The following CSMD1 variants were observed in gnomAD, a reference collection of about 807,000 sequenced individuals.
CSMD1 encodes the protein CUB and sushi domain-containing protein 1.
A neutral mutation model predicts 417.5 loss-of-function variants in CSMD1; 213 were observed. The ratio of observed to expected loss-of-function variants is 0.51; its 90% CI spans 0.46 to 0.57. The LOEUF (loss-of-function observed/expected upper bound fraction) is 0.57, where lower values mean the gene tolerates loss of function less well. Among genes scored for constraint, CSMD1 ranks in the 20% least tolerant of loss-of-function variants. The pLI is 0.00. For synonymous variants in CSMD1, 2,862 were observed against 1,736.8 expected (o/e 1.65, Z -16.11); for missense variants, 6,923 against 4,529.7 (o/e 1.53, Z -15.17).
intron 10 of CSMD1, among the ~76,000 whole-genome samples, chr8:3,556,632 G>T (rs1391030882): frequency 6.6e-6 from 1 of 151,554 alleles, no homozygotes; most frequent in Non-Finnish European, 1.5e-5. Flanking sequence ...ATTGTCGTGG[G>T]GGCTGCCTGT....
intron 2 of CSMD1, among the ~76,000 whole-genome samples, chr8:4,460,977 T>A (rs1236271814): frequency 6.6e-6 from 1 of 152,142 alleles, no homozygotes; most frequent in Non-Finnish European, 1.5e-5. Context: ...AACTACAGAC[T>A]AGTATTTCTT....
chr8:3,027,875 G>C (rs1460353512), intron 51 of CSMD1, among the ~76,000 whole-genome samples: 1 of 152,234 alleles, frequency 6.6e-6, no homozygotes, highest in Non-Finnish European at 1.5e-5. Context: ...TCAACGCCTT[G>C]CTACTAATGA....
intron 6 of CSMD1, among the ~76,000 whole-genome samples, chr8:3,749,960 C>G (rs908052047): frequency 6.6e-6 from 1 of 152,054 alleles, no homozygotes; most frequent in Non-Finnish European, 1.5e-5. Context: ...TTATGTTCAG[C>G]TTGATGGTAA....
At chr8:3,466,661 T>A (rs968345126) in intron 12 of CSMD1, among the ~76,000 whole-genome samples, 1 of 150,528 alleles carries the variant, frequency 6.6e-6, no homozygotes, top group Non-Finnish European at 1.5e-5. Flanking sequence ...ACTCCTGACC[T>A]TAAGTGATCC....
In CSMD1 at chr8:4,510,127, T is replaced by A. The variant is rs560769626; in HGVS notation, c.303-90062A>T. On this transcript the variant is annotated intron_variant, in intron 2 of 69. Transcript: ENST00000635120. ...ATCTGATGGTTGTATAAAGGGGAGT[T>A]CTCCTTCACACGCTCCCTTTGCCTG... is the stretch of plus-strand genomic sequence containing the variant. Among the ~76,000 whole-genome samples, 12 of 151,804 alleles carry A rather than the reference T, an allele frequency of 7.9e-5. No homozygotes were observed. The South Asian group carries it at 2.5e-3, about 32-fold the overall frequency.
rs577969194 is a variant in CSMD1, at chr8:4,729,092, A to C, written c.86-91534T>G. 7.3e-4 allele frequency among the ~76,000 whole-genome samples: 111 copies of C among 152,278 alleles called. 1 individual carries two copies. The highest frequency in any genetic ancestry group is 2.6e-3 in the African/African-American group (107 of 41,566). On this transcript the variant is annotated intron_variant, in intron 1 of 69. Coordinates refer to ENST00000635120, the MANE Select transcript of CSMD1 (RefSeq NM_033225.6). ...GGAAACACTTGGATGTTCAGCCCTA[A>C]ATTATTTCCATATCTGAAACCAGGA...
rs112370986 is a variant in CSMD1, at chr8:2,968,341, A to G, written c.8924-1595T>C. Among the ~76,000 whole-genome samples, 324 of 152,330 alleles carry G rather than the reference A, an allele frequency of 2.1e-3. 1 individual carries two copies. The highest frequency in any genetic ancestry group is 7.5e-3 in the African/African-American group (311 of 41,582). On this transcript the variant is annotated intron_variant, in intron 57 of 69. Coordinates refer to ENST00000635120, the MANE Select transcript of CSMD1 (RefSeq NM_033225.6). Reference sequence around the variant, plus strand: ...AAGAGGACACTGATGTTATTGTTACATTGTATTCTAATTACATTTGCTATT... The same window carrying G: ...AAGAGGACACTGATGTTATTGTTACGTTGTATTCTAATTACATTTGCTATT...
At chr8:4,104,822 T>C (rs1801486590) in intron 3 of CSMD1, among the ~76,000 whole-genome samples, 1 of 152,222 alleles carries the variant, frequency 6.6e-6, no homozygotes. Flanking sequence ...TCTTTAAATG[T>C]TTCCTTGAGA....
At chr8:4,607,297 A>T (rs7819650) in intron 2 of CSMD1, among the ~76,000 whole-genome samples, 27,993 of 151,944 alleles carry the variant, frequency 0.18, 3,237 homozygotes, top group African/African-American at 0.33. Flanking sequence ...AACAAAAAAA[A>T]ATGCATTTGA....
intron 2 of CSMD1, among the ~76,000 whole-genome samples, chr8:4,621,788 T>C (rs903892528): frequency 6.6e-6 from 1 of 152,094 alleles, no homozygotes; most frequent in African/African-American, 2.4e-5. Context: ...TGAACTACTG[T>C]AAGTCAAACC....
chr8:4,618,350 T>A (rs1468827258), intron 2 of CSMD1, among the ~76,000 whole-genome samples: 1 of 152,042 alleles, frequency 6.6e-6, no homozygotes, highest in Non-Finnish European at 1.5e-5. Flanking sequence ...ACGAACACAC[T>A]TTTGCAGGAT....
chr8:3,546,720 G>A (rs760665357), intron 10 of CSMD1, among the ~76,000 whole-genome samples: 10 of 152,158 alleles, frequency 6.6e-5, no homozygotes, highest in Non-Finnish European at 2.9e-5. Flanking sequence ...AGGAATTACT[G>A]AAGATAAAAG....
chr8:3,987,804 C>G (rs1246291375), intron 5 of CSMD1, among the ~76,000 whole-genome samples: 2 of 152,190 alleles, frequency 1.3e-5, no homozygotes, highest in Non-Finnish European at 2.9e-5. Flanking sequence ...GAAGCATAGC[C>G]TTATCCAAAC....
intron 3 of CSMD1, among the ~76,000 whole-genome samples, chr8:4,320,409 G>A (rs762813833): frequency 1.3e-5 from 2 of 152,080 alleles, no homozygotes; most frequent in Non-Finnish European, 1.5e-5. Flanking sequence ...TGTAGAATGT[G>A]CAGGTTTGTG....
chr8:4,829,057 G>T (rs764128819), intron 1 of CSMD1, among the ~76,000 whole-genome samples: 2 of 152,230 alleles, frequency 1.3e-5, no homozygotes, highest in Non-Finnish European at 1.5e-5. Context: ...TAACTTAATA[G>T]GTTACCTTTC....
At chr8:3,491,719 C>G (rs1400527357) in intron 11 of CSMD1, among the ~76,000 whole-genome samples, 4 of 152,114 alleles carry the variant, frequency 2.6e-5, no homozygotes, top group African/African-American at 9.7e-5. Context: ...CATAAGTAAT[C>G]AATAAATAAG....
At chr8:3,598,043 A>G (rs1027685343) in intron 8 of CSMD1, among the ~76,000 whole-genome samples, 1 of 152,196 alleles carries the variant, frequency 6.6e-6, no homozygotes, top group African/African-American at 2.4e-5. Flanking sequence ...TCAGCCCAAT[A>G]AAACACTTTC....
chr8:4,249,832 G>C (rs1180240639), intron 3 of CSMD1, among the ~76,000 whole-genome samples: 2 of 152,070 alleles, frequency 1.3e-5, no homozygotes, highest in African/African-American at 4.8e-5. Context: ...ATGGTGCTGT[G>C]GTTTGAATGT....
intron 1 of CSMD1, among the ~76,000 whole-genome samples, chr8:4,879,959 T>C (rs1234529144): frequency 6.6e-6 from 1 of 152,134 alleles, no homozygotes; most frequent in Non-Finnish European, 1.5e-5. Context: ...GTTGTTGAGG[T>C]TCATTCCCTT....
Sources: gnomAD v4.1 joint callset for allele counts (sites outside exome capture counted in the v4.1 genomes callset) on GRCh38, gnomAD v4.1.1 for gene constraint, MANE v1.5 for transcripts, NCBI Gene and HGNC (gene_info 2026-07-23, HGNC 2026-07-21) for gene names.